Variants in WNT2B observed in about 807,000 individuals in gnomAD.
WNT2B encodes the protein protein Wnt-2b.
Under a neutral mutation model 40.5 loss-of-function variants are expected in WNT2B, and 19 were observed. The ratio of observed to expected loss-of-function variants is 0.47; its 90% CI spans 0.33 to 0.69. The LOEUF (loss-of-function observed/expected upper bound fraction) is 0.69, where lower values mean the gene tolerates loss of function less well. Among genes scored for constraint, WNT2B ranks in the 30% least tolerant of loss-of-function variants. The pLI, the probability that WNT2B is intolerant of heterozygous loss-of-function variation, is 0.02. For synonymous variants in WNT2B, 220 were observed against 211.9 expected (o/e 1.04, Z -0.33); for missense variants, 467 against 556.4 (o/e 0.84, Z 1.62).
chr1:112,490,722 C>T (rs1029587640), intron 1 of WNT2B, among the ~76,000 whole-genome samples: 18 of 152,118 alleles, frequency 1.2e-4, no homozygotes, highest in Non-Finnish European at 2.5e-4. Flanking sequence ...ATCTCCTGAC[C>T]TCGTGATCTG....
chr1:112,489,741 A>C (rs572647439), intron 1 of WNT2B, among the ~76,000 whole-genome samples: 2 of 152,172 alleles, frequency 1.3e-5, no homozygotes, highest in African/African-American at 4.8e-5. Context: ...GACACATGCC[A>C]ATTCAAGCTG....
rs1343270029 is a variant in WNT2B at position 112,515,161 on chromosome 1, G to A, written c.403+67G>A. ...GTGCTGGGGGTGGTGAGTGGGAAGAGTAGGCAAGATCTCCCCTCTCCTCTC... is the reference window on the plus strand; with the variant it reads ...GTGCTGGGGGTGGTGAGTGGGAAGAATAGGCAAGATCTCCCCTCTCCTCTC... On this transcript the variant is annotated intron_variant, in intron 2 of 4. Transcript: ENST00000369684. This position sits in a 1 kb window ranked among gnomAD's most constrained non-coding sequence, Gnocchi z 4.4. 6.5e-7 allele frequency: 1 copy of A among 1,538,290 alleles called. No individual in the cohort carries two copies. The highest frequency in any genetic ancestry group is 8.8e-7 in the Non-Finnish European group (1 of 1,130,302).
intron 1 of WNT2B, among the ~76,000 whole-genome samples, chr1:112,489,479 A>G (rs891085176): frequency 2.0e-5 from 3 of 151,936 alleles, no homozygotes; most frequent in African/African-American, 7.3e-5. Context: ...CAGGAGAATC[A>G]CTTGAACCCA....
rs767863382 is a variant in WNT2B, at chr1:112,509,375, G to T, written c.113G>T (p.Arg38Leu). ...CCCGACGGCTCCCGGGCTTCGGCCC[G>T]CCTAGGTCTTGCCTGCCTTCTGCTC... The part of the protein sequence containing the change: ...AAPDGSRASA[R>L]LGLACLLLLL... The change falls in exon 1 of 5, where the codon CGC becomes CTC. Residue 38 changes from arginine to leucine, a missense_variant. Arg to Leu is a moderately radical substitution (Grantham distance 102). Around this residue, in one of 2 missense-constraint regions of WNT2B, gnomAD observed 137 missense variants for 117.7 expected, o/e 1.16. Coordinates refer to ENST00000369684, the MANE Select transcript of WNT2B (RefSeq NM_024494.3). This position sits in a 1 kb window ranked among gnomAD's most constrained non-coding sequence, Gnocchi z 4.2. 6.3e-7 allele frequency: 1 copy of T among 1,596,280 alleles called. No individual in the cohort carries two copies.
At chr1:112,516,483 G>A in intron 3 of WNT2B, 66 bp downstream of exon 3, 2 of 1,543,946 alleles carry the variant, frequency 1.3e-6, no homozygotes, top group South Asian at 2.5e-5. Context: ...TGTGACCATG[G>A]ACTAAATAAA....
At chr1:112,511,704 C>T (rs1652357429) in intron 1 of WNT2B, among the ~76,000 whole-genome samples, 1 of 152,190 alleles carries the variant, frequency 6.6e-6, no homozygotes. Context: ...TTTCCTGTTT[C>T]ATTTTGCATT....
At position 112,511,758 on chromosome 1, in the gene WNT2B, T is replaced by A. The variant is rs183210305; in HGVS notation, c.182+2314T>A. Among the ~76,000 whole-genome samples the A allele has an allele frequency of 9.1e-4, 138 of 152,322 alleles. 1 individual carries two copies. The highest frequency in any genetic ancestry group is 7.4e-3 in the Admixed American group (113 of 15,300). ...AGGGAATCACAAGAACAGGATTGTA[T>A]TCATAGGCTCACAAAGGGAGAGAAA... On this transcript the variant is annotated intron_variant, in intron 1 of 4. Transcript: ENST00000369684.
At chr1:112,506,032 G>A (rs1652096251), upstream of WNT2B, among the ~76,000 whole-genome samples, 1 of 152,066 alleles carries the variant, frequency 6.6e-6, no homozygotes, top group Non-Finnish European at 1.5e-5. Context: ...TTTTGAGACA[G>A]GGTCTCACTC....
Position 112,514,910 on chromosome 1 carries a change from C to A in WNT2B, c.219C>A (p.Asp73Glu). 6.2e-7 allele frequency: 1 copy of A among 1,614,246 alleles called. No individual in the cohort carries two copies. The highest frequency in any genetic ancestry group is 8.5e-7 in the Non-Finnish European group (1 of 1,180,044). ...IGALGARVIC[D>E]NIPGLVSRQR... ...CACTGGGGGCACGAGTGATCTGTGA[C>A]AATATCCCTGGTTTGGTGAGCCGGC... Residue 73 changes from aspartate (D) to glutamate (E), a missense_variant, in exon 2 of 5, where the codon GAC (aspartate) becomes GAA (glutamate). By Grantham distance (45) the Asp-to-Glu change is conservative. Around this residue, in one of 2 missense-constraint regions of WNT2B, gnomAD observed 137 missense variants for 117.7 expected, o/e 1.16. Coordinates refer to ENST00000369684, the MANE Select transcript of WNT2B (RefSeq NM_024494.3).
chr1:112,479,188 T>C (rs1175077054), intron 1 of WNT2B, among the ~76,000 whole-genome samples: 3 of 151,678 alleles, frequency 2.0e-5, no homozygotes, highest in African/African-American at 7.3e-5. Flanking sequence ...ACCATTGCAC[T>C]CCAGCCTGGG....
rs1653009176 is a variant in WNT2B, at chr1:112,523,726, T to TA, written c.*3218dup. ...TTCTAACTTTTAATAAACATTTAGG[T>TA]ATAATACATTACAGTAAGTGCTATT... On this transcript the variant is annotated 3_prime_UTR_variant, in exon 5 of 5. Coordinates refer to ENST00000369684, the MANE Select transcript of WNT2B (RefSeq NM_024494.3). The TA allele has an allele frequency of 6.6e-6, 1 of 152,150 alleles. No individual in the cohort carries two copies. The highest frequency in any genetic ancestry group is 2.4e-5 in the African/African-American group (1 of 41,448). 9.4% of individuals were successfully genotyped at this position (152,150 alleles called of 1,614,324 possible).
intron 1 of WNT2B, among the ~76,000 whole-genome samples, chr1:112,492,835 G>A (rs988619152): frequency 3.9e-5 from 6 of 152,174 alleles, no homozygotes; most frequent in South Asian, 2.1e-4. Flanking sequence ...AAGCTTTTGC[G>A]AGGTGCGCAG....
chr1:112,490,782 C>T (rs1333229382), intron 1 of WNT2B, among the ~76,000 whole-genome samples: 1 of 152,132 alleles, frequency 6.6e-6, no homozygotes, highest in Non-Finnish European at 1.5e-5. Context: ...AGCCCCCGCG[C>T]CCGGCCAAAG....
At chr1:112,479,469 G>T (rs1455418167) in intron 1 of WNT2B, among the ~76,000 whole-genome samples, 1 of 151,758 alleles carries the variant, frequency 6.6e-6, no homozygotes, top group Non-Finnish European at 1.5e-5. Context: ...AGCTACTTGG[G>T]AGGCTGAGGC....
rs746605339 is a variant in WNT2B, at chr1:112,509,450, T to C, written c.182+6T>C. On this transcript the variant is annotated splice_donor_region_variant and intron_variant, in intron 1 of 4. Transcript: ENST00000369684. This position sits in a 1 kb window ranked among gnomAD's most constrained non-coding sequence, Gnocchi z 4.2. ...CGCGTAGACACGTCCTGGTGGTAAGTGTGGCTCTCAGGCTGGGCGGGTGAG... is the reference window on the plus strand; with the variant it reads ...CGCGTAGACACGTCCTGGTGGTAAGCGTGGCTCTCAGGCTGGGCGGGTGAG... 3 of 1,575,482 alleles carry C rather than the reference T, an allele frequency of 1.9e-6. No individual in the cohort carries two copies. The highest frequency in any genetic ancestry group is 2.6e-6 in the Non-Finnish European group (3 of 1,170,462).
At chr1:112,483,008 G>A (rs1036201292) in intron 1 of WNT2B, among the ~76,000 whole-genome samples, 3 of 152,072 alleles carry the variant, frequency 2.0e-5, no homozygotes, top group African/African-American at 7.2e-5. Flanking sequence ...AACAAAGCTG[G>A]ATTAATCACA....
At chr1:112,508,073 C>T (rs377608025), upstream of WNT2B, among the ~76,000 whole-genome samples, 371 of 152,004 alleles carry the variant, frequency 2.4e-3, 7 homozygotes, top group African/African-American at 8.3e-3. This position sits in a 1 kb window ranked among gnomAD's most constrained non-coding sequence, Gnocchi z 4.2. Context: ...GGAGGCAGGG[C>T]GAGAAGACGA....
chr1:112,470,683 C>A (rs566740594), intron 1 of WNT2B, among the ~76,000 whole-genome samples: 19 of 152,320 alleles, frequency 1.2e-4, no homozygotes, highest in African/African-American at 4.6e-4. Flanking sequence ...TGAGGCTGCT[C>A]CACCAGTGGG....
chr1:112,467,468 T>G (rs942979004), exon 1 of WNT2B: 1 of 757,100 alleles, frequency 1.3e-6, no homozygotes, highest in Non-Finnish European at 2.5e-6. Context: ...AAAATAAGAT[T>G]AAATCTTAAC....
Sources: allele counts gnomAD v4.1 joint callset (sites outside exome capture counted in the v4.1 genomes callset), GRCh38; gene constraint gnomAD v4.1.1; regional missense constraint gnomAD v4.1.1; non-coding constraint Gnocchi (gnomAD v3.1); transcripts MANE v1.5; gene names NCBI Gene and HGNC (gene_info 2026-07-23, HGNC 2026-07-21).